The following TLE4 variants were observed in gnomAD, a reference collection of about 807,000 sequenced individuals.
The protein encoded by TLE4 is TLE family member 4, transcriptional corepressor.
TLE4 carries 8 observed loss-of-function variants against 92.8 expected under a neutral mutation model. That is an observed-to-expected ratio of 0.09 (90% CI 0.05 to 0.16). The LOEUF (loss-of-function observed/expected upper bound fraction) is 0.16, where lower values mean the gene tolerates loss of function less well. Ranked by LOEUF, TLE4 falls within the 10% of genes least tolerant of loss-of-function variation. The pLI is 1.00. For missense variants in TLE4, 675 were observed against 997.6 expected, an observed-to-expected ratio of 0.68 and a Z score of 4.36; for synonymous variants, 371 against 374.1, an observed-to-expected ratio of 0.99 and a Z score of 0.10.
intron 6 of TLE4, among the ~76,000 whole-genome samples, chr9:79,648,637 G>T (rs187125451): frequency 6.6e-6 from 1 of 152,300 alleles, no homozygotes; most frequent in African/African-American, 2.4e-5. Flanking sequence ...AAAATAATCA[G>T]CATGTGAGGT....
At chr9:79,720,759 C>T (rs1434308609) in intron 16 of TLE4, among the ~76,000 whole-genome samples, 2 of 152,116 alleles carry the variant, frequency 1.3e-5, no homozygotes, top group Non-Finnish European at 2.9e-5. Flanking sequence ...GAGTGCCATA[C>T]ACATCTAACA....
At chr9:79,624,676 T>C (rs2133442083) in intron 5 of TLE4, among the ~76,000 whole-genome samples, 1 of 152,324 alleles carries the variant, frequency 6.6e-6, no homozygotes, top group East Asian at 1.9e-4. Flanking sequence ...CACTTGATTT[T>C]AATGCCAGTG....
At chr9:79,649,114 C>T (rs577582738) in intron 6 of TLE4, among the ~76,000 whole-genome samples, 1 of 152,096 alleles carries the variant, frequency 6.6e-6, no homozygotes, top group Non-Finnish European at 1.5e-5. Flanking sequence ...GAGTGGTCCT[C>T]GGTTTTATAA....
chr9:79,661,207 C>T (rs1266581883), intron 8 of TLE4, among the ~76,000 whole-genome samples: 3 of 152,174 alleles, frequency 2.0e-5, no homozygotes, highest in Non-Finnish European at 4.4e-5. Flanking sequence ...TGGAATTATT[C>T]CAAAGAATCG....
chr9:79,724,911 C>A, intron 19 of TLE4, 126 bp from the exon 20 acceptor site: 2 of 470,648 alleles, frequency 4.2e-6, no homozygotes, highest in South Asian at 1.6e-5. Context: ...CCACCTTTCA[C>A]CTTTCCTTGA....
chr9:79,649,828 G>T (rs2058658744), intron 6 of TLE4: 1 of 1,365,978 alleles, frequency 7.3e-7, no homozygotes, highest in African/African-American at 1.5e-5. Context: ...AGGAGAAAAA[G>T]AATAAAAGTG....
chr9:79,638,002 T>C lies in TLE4; in HGVS notation c.390+10554T>C, dbSNP rs186598809. 1.0e-3 allele frequency among the ~76,000 whole-genome samples: 155 copies of C among 152,236 alleles called. 3 individuals carry two copies. The East Asian group carries it at 0.02, about 20-fold the overall frequency. On this transcript the variant is annotated intron_variant, in intron 6 of 19. Transcript: ENST00000376552. ...TGAAATAGCAAAATATCATGTGGGG[T>C]GCATGTAGACAAAAAATATTTGCCC... is the stretch of plus-strand genomic sequence containing the variant.
intron 18 of TLE4, 114 bp downstream of exon 18, chr9:79,722,715 T>G: frequency 7.7e-7 from 1 of 1,301,450 alleles, no homozygotes; most frequent in Non-Finnish European, 1.1e-6. Flanking sequence ...CTCTTCAGAA[T>G]TCTATTACTT....
At chr9:79,635,466 C>T (rs949398971) in intron 6 of TLE4, among the ~76,000 whole-genome samples, 7 of 151,470 alleles carry the variant, frequency 4.6e-5, no homozygotes, top group African/African-American at 7.3e-5. Flanking sequence ...TTTGCCTAAC[C>T]GAAGACCGCA....
intron 6 of TLE4, among the ~76,000 whole-genome samples, chr9:79,636,864 T>C (rs2055993600): frequency 6.6e-6 from 1 of 152,172 alleles, no homozygotes. Flanking sequence ...TAACTATTTG[T>C]TCAATAAATT....
intron 1 of TLE4, 95 bp from the exon 2 acceptor site, chr9:79,573,594 C>A: frequency 1.9e-6 from 2 of 1,059,694 alleles, no homozygotes; most frequent in Non-Finnish European, 2.7e-6. Flanking sequence ...GCGCGATGAC[C>A]CTCACCCCCC....
intron 14 of TLE4, among the ~76,000 whole-genome samples, chr9:79,716,448 G>GT (rs1206998845): frequency 6.6e-6 from 1 of 152,160 alleles, no homozygotes; most frequent in Non-Finnish European, 1.5e-5. Flanking sequence ...TGTCTGAGGT[G>GT]TTTATCAGGT....
At chr9:79,650,220 T>G (rs977688841) in intron 6 of TLE4, among the ~76,000 whole-genome samples, 16 of 151,104 alleles carry the variant, frequency 1.1e-4, no homozygotes, top group South Asian at 2.1e-4. Context: ...CAGGCTTGGG[T>G]TTTTTTTTGG....
At chr9:79,573,567 T>C (rs1014744146) in intron 1 of TLE4, 122 bp from the exon 2 acceptor site, 5 of 865,452 alleles carry the variant, frequency 5.8e-6, no homozygotes, top group Non-Finnish European at 8.2e-6. Flanking sequence ...AGAGTTTTAA[T>C]CTCTCTTTGC....
intron 14 of TLE4, chr9:79,718,122 G>C (rs1461513657): frequency 4.4e-6 from 2 of 455,530 alleles, no homozygotes; most frequent in East Asian, 6.9e-5. Context: ...ATTCCATTTG[G>C]ATTGACTAGG....
At chr9:79,624,029 T>A (rs2051798803) in intron 5 of TLE4, among the ~76,000 whole-genome samples, 1 of 151,418 alleles carries the variant, frequency 6.6e-6, no homozygotes, top group Admixed American at 6.6e-5. Context: ...GAGATGTGGG[T>A]GGAGTGGGAA....
Position 79,720,231 on chromosome 9 carries a change from C to T in TLE4, c.1776C>T (p.Cys592=). 1 of 1,614,210 alleles carries T rather than the reference C, an allele frequency of 6.2e-7. No homozygotes were observed. Among genetic ancestry groups the T allele is most frequent in the Non-Finnish European group, 8.5e-7 (1 of 1,180,040 alleles). Residue 592 remains cysteine, a synonymous_variant, in exon 16 of 20, where the codon TGC becomes TGT. Transcript: ENST00000376552. ...ALAISPDSKV[C]FSCCSDGNIA... is the part of the protein sequence containing the mutation. ...CCATCAGCCCCGATTCCAAGGTCTGCTTCTCATGCTGCAGCGACGGCAACA... is the reference window on the plus strand; with the variant it reads ...CCATCAGCCCCGATTCCAAGGTCTGTTTCTCATGCTGCAGCGACGGCAACA...
intron 7 of TLE4, 150 bp from the exon 8 acceptor site, chr9:79,653,909 A>G: frequency 2.2e-6 from 2 of 913,142 alleles, no homozygotes; most frequent in Non-Finnish European, 3.5e-6. Context: ...TTAATAATTA[A>G]TTTTACAGCA....
chr9:79,720,624 T>C (rs186946671), intron 16 of TLE4, among the ~76,000 whole-genome samples: 2 of 152,278 alleles, frequency 1.3e-5, no homozygotes, highest in East Asian at 3.9e-4. Flanking sequence ...ATAATTAATG[T>C]ACATAAAGTT....
Sources: allele counts gnomAD v4.1 joint callset (sites outside exome capture counted in the v4.1 genomes callset), GRCh38; gene constraint gnomAD v4.1.1; transcripts MANE v1.5; gene names NCBI Gene and HGNC (gene_info 2026-07-23, HGNC 2026-07-21).